GRIN2A: variants seen among roughly 807,000 people sequenced by gnomAD.
GRIN2A encodes the protein glutamate ionotropic receptor NMDA type subunit 2A.
GRIN2A carries 22 observed loss-of-function variants against 113.4 expected under a neutral mutation model. That is an observed-to-expected ratio of 0.19 (90% CI 0.14 to 0.28). The LOEUF (loss-of-function observed/expected upper bound fraction) is 0.28, where lower values mean the gene tolerates loss of function less well. Ranked by LOEUF, GRIN2A falls within the 10% of genes least tolerant of loss-of-function variation. The pLI is 1.00. For synonymous variants in GRIN2A, 827 were observed against 738.4 expected (o/e 1.12, Z -1.94); for missense variants, 1,502 against 1,887.0 (o/e 0.80, Z 3.78).
rs996529808 is a variant in GRIN2A, at chr16:9,762,423, A to T, written c.*726T>A. 1.8e-5 allele frequency: 4 copies of T among 224,722 alleles called. No homozygotes were observed. Among genetic ancestry groups the T allele is most frequent in the Non-Finnish European group, 3.6e-5 (4 of 112,504 alleles). The allele number at this position is 224,722 out of a possible 1,614,324, so 13.9% of individuals were successfully genotyped here. On this transcript the variant is annotated 3_prime_UTR_variant, in exon 13 of 13. Transcript: ENST00000330684. ...CCGAGGGTGAGAGAAACACACATCA[A>T]CATCCAAAGAGATTCCTGTAGCTCT...
At chr16:9,807,321 TGGG>T (rs2041997158) in intron 10 of GRIN2A, among the ~76,000 whole-genome samples, 2 of 5,148 alleles carry the variant, frequency 3.9e-4, no homozygotes, top group African/African-American at 1.8e-3. Context: ...GGGGAAAAAG[TGGG>T]GGGAGAGAGG....
At chr16:9,899,440 CAA>C (rs71157791) in intron 3 of GRIN2A, among the ~76,000 whole-genome samples, 10 of 6,200 alleles carry the variant, frequency 1.6e-3, no homozygotes, top group African/African-American at 3.3e-3. Flanking sequence ...AACTCCGTCT[CAA>C]AAAAAAAAAA....
At chr16:9,773,764 G>C (rs112552365) in intron 11 of GRIN2A, among the ~76,000 whole-genome samples, 3,995 of 152,272 alleles carry the variant, frequency 0.026, 85 homozygotes, top group African/African-American at 0.066. Flanking sequence ...GTTTTCAGGG[G>C]AGATGTTTCC....
intron 2 of GRIN2A, among the ~76,000 whole-genome samples, chr16:10,003,999 T>C (rs1053364069): frequency 6.6e-6 from 1 of 152,158 alleles, no homozygotes; most frequent in African/African-American, 2.4e-5. Context: ...TTTACTGTCC[T>C]GGTTCCCTGT....
At chr16:9,849,635 C>A (rs909701602) in intron 5 of GRIN2A, 121 bp downstream of exon 5, 2 of 807,632 alleles carry the variant, frequency 2.5e-6, no homozygotes. Context: ...ATTATACCTA[C>A]TATAACGACG....
At position 9,764,276 on chromosome 16, in the gene GRIN2A, C is replaced by G. The variant is rs1320797353; in HGVS notation, c.3268G>C (p.Val1090Leu). 1.2e-6 allele frequency: 2 copies of G among 1,614,040 alleles called. No individual in the cohort carries two copies. The highest frequency in any genetic ancestry group is 1.7e-6 in the Non-Finnish European group (2 of 1,179,988). The change falls in exon 13 of 13, where the codon GTG becomes CTG. Residue 1090 changes from valine to leucine, a missense_variant. Val to Leu is a conservative substitution (Grantham distance 32). Around this residue, in one of 7 missense-constraint regions of GRIN2A, gnomAD observed 832 missense variants for 789.7 expected, o/e 1.05. Coordinates refer to ENST00000330684, the MANE Select transcript of GRIN2A (RefSeq NM_001134407.3). Reference sequence around the variant, plus strand: ...CAGTCCTTGGGGTATTTGGAGGCCACTGACCTTTTAAAGTTGTCCTTGGTT... The same window carrying G: ...CAGTCCTTGGGGTATTTGGAGGCCAGTGACCTTTTAAAGTTGTCCTTGGTT... ...HKTKDNFKRS[V>L]ASKYPKDCSE...
chr16:9,788,597 TCTC>T (rs987491090), intron 11 of GRIN2A, among the ~76,000 whole-genome samples: 5 of 151,888 alleles, frequency 3.3e-5, no homozygotes, highest in South Asian at 2.1e-4. Flanking sequence ...ACCACCTCCT[TCTC>T]CTTTTTTCCC....
At chr16:10,020,594 A>G (rs181557762) in intron 2 of GRIN2A, among the ~76,000 whole-genome samples, 84 of 152,336 alleles carry the variant, frequency 5.5e-4, no homozygotes, top group Admixed American at 1.4e-3. Flanking sequence ...TAAGGAGAAC[A>G]TGAACTCTGG....
chr16:10,154,153 T>A (rs997029546), intron 2 of GRIN2A, among the ~76,000 whole-genome samples: 2 of 152,078 alleles, frequency 1.3e-5, no homozygotes, highest in Non-Finnish European at 2.9e-5. Flanking sequence ...AGCGTATGAC[T>A]CACCACATCC....
intron 3 of GRIN2A, among the ~76,000 whole-genome samples, chr16:9,907,552 C>T (rs546589359): frequency 1.4e-4 from 22 of 152,102 alleles, no homozygotes; most frequent in African/African-American, 3.4e-4. Context: ...CATGATTATA[C>T]GAATCTGTGT....
chr16:10,106,564 C>A (rs1007548000), intron 2 of GRIN2A, among the ~76,000 whole-genome samples: 1 of 152,092 alleles, frequency 6.6e-6, no homozygotes, highest in Admixed American at 6.6e-5. Flanking sequence ...AGATAGGGAG[C>A]GTGACTAGTT....
intron 2 of GRIN2A, among the ~76,000 whole-genome samples, chr16:10,080,931 A>G (rs1436843986): frequency 6.6e-6 from 1 of 152,104 alleles, no homozygotes; most frequent in East Asian, 1.9e-4. Context: ...GTTCTGCCCC[A>G]GTGAATATCT....
At chr16:9,945,322 T>C (rs2044992257) in intron 2 of GRIN2A, among the ~76,000 whole-genome samples, 1 of 151,826 alleles carries the variant, frequency 6.6e-6, no homozygotes, top group Non-Finnish European at 1.5e-5. Context: ...AGGCAAAGAT[T>C]AGGGGCGAGA....
chr16:10,106,333 G>T (rs1410348973), intron 2 of GRIN2A, among the ~76,000 whole-genome samples: 1 of 151,688 alleles, frequency 6.6e-6, no homozygotes, highest in African/African-American at 2.4e-5. Flanking sequence ...AGACTGAGAG[G>T]GAGGACTGCT....
intron 2 of GRIN2A, among the ~76,000 whole-genome samples, chr16:10,121,854 T>G (rs893453593): frequency 2.0e-5 from 3 of 152,200 alleles, no homozygotes; most frequent in Non-Finnish European, 4.4e-5. Context: ...TTGGCTAATT[T>G]TACTTAATAT....
intron 3 of GRIN2A, among the ~76,000 whole-genome samples, chr16:9,919,730 C>G (rs568760291): frequency 6.6e-6 from 1 of 152,330 alleles, no homozygotes; most frequent in South Asian, 2.1e-4. Context: ...AAATTCCAAA[C>G]TCTCATCGTG....
chr16:10,053,714 T>C (rs1047581216), intron 2 of GRIN2A, among the ~76,000 whole-genome samples: 6 of 152,240 alleles, frequency 3.9e-5, no homozygotes, highest in African/African-American at 1.4e-4. Context: ...GGGTCACTCA[T>C]GAAATGCAGT....
intron 2 of GRIN2A, among the ~76,000 whole-genome samples, chr16:10,109,816 C>T (rs2048576783): frequency 6.6e-6 from 1 of 152,060 alleles, no homozygotes; most frequent in African/African-American, 2.4e-5. Flanking sequence ...GATTATTTCA[C>T]ATTGCATGCC....
intron 8 of GRIN2A, among the ~76,000 whole-genome samples, chr16:9,832,667 C>A (rs554362172): frequency 6.6e-6 from 1 of 152,230 alleles, no homozygotes; most frequent in South Asian, 2.1e-4. Context: ...CAGCACAAGC[C>A]CTGATTATGC....
Sources: allele counts gnomAD v4.1 joint callset (sites outside exome capture counted in the v4.1 genomes callset), GRCh38; gene constraint gnomAD v4.1.1; regional missense constraint gnomAD v4.1.1; transcripts MANE v1.5; gene names NCBI Gene and HGNC (gene_info 2026-07-23, HGNC 2026-07-21).